GPR158: variants seen among roughly 807,000 people sequenced by gnomAD.
GPR158 encodes metabotropic glycine receptor.
A neutral mutation model predicts 78.2 loss-of-function variants in GPR158; 30 were observed. That is an observed-to-expected ratio of 0.38 (90% CI 0.29 to 0.52). The LOEUF (loss-of-function observed/expected upper bound fraction) is 0.52. Ranked by LOEUF, GPR158 falls within the 20% of genes least tolerant of loss-of-function variation. The pLI, the probability that GPR158 is intolerant of heterozygous loss-of-function variation, is 0.83. For synonymous variants in GPR158, 581 were observed against 591.1 expected, an observed-to-expected ratio of 0.98 and a Z score of 0.25; for missense variants, 1,463 against 1,523.5, an observed-to-expected ratio of 0.96 and a Z score of 0.66.
intron 5 of GPR158, among the ~76,000 whole-genome samples, chr10:25,502,525 A>G (rs1464918916): frequency 6.6e-6 from 1 of 152,182 alleles, no homozygotes; most frequent in African/African-American, 2.4e-5. Context: ...CCAAACACTG[A>G]AAATAATCTG....
intron 5 of GPR158, among the ~76,000 whole-genome samples, chr10:25,532,585 A>G (rs1448201078): frequency 6.6e-6 from 1 of 152,142 alleles, no homozygotes; most frequent in East Asian, 1.9e-4. Context: ...TAGATATTAC[A>G]TATGATACTT....
At chr10:25,333,256 G>GC (rs1855153530) in intron 2 of GPR158, among the ~76,000 whole-genome samples, 1 of 152,182 alleles carries the variant, frequency 6.6e-6, no homozygotes, top group South Asian at 2.1e-4. Flanking sequence ...CTGCAGGCAA[G>GC]CAGGAGCACA....
At chr10:25,487,738 A>G (rs113123155) in intron 5 of GPR158, among the ~76,000 whole-genome samples, 139 of 152,244 alleles carry the variant, frequency 9.1e-4, no homozygotes, top group African/African-American at 3.1e-3. Flanking sequence ...CTTTCAGTAT[A>G]TTGTTTGATT....
At chr10:25,558,031 A>G (rs571314883) in intron 6 of GPR158, among the ~76,000 whole-genome samples, 2 of 152,298 alleles carry the variant, frequency 1.3e-5, no homozygotes, top group African/African-American at 4.8e-5. Flanking sequence ...AAGCTTTTCA[A>G]TCTGGAGCTT....
chr10:25,578,258 A>G (rs987967149), intron 7 of GPR158, among the ~76,000 whole-genome samples: 6 of 152,316 alleles, frequency 3.9e-5, no homozygotes, highest in East Asian at 1.9e-4. Context: ...AACATGGCCT[A>G]CGTTGTTCAG....
Position 25,490,040 on chromosome 10 carries a change from T to G in GPR158, c.1404+23321T>G, listed in dbSNP as rs1163599017. Among the ~76,000 whole-genome samples the G allele has an allele frequency of 2.0e-5, 3 of 152,044 alleles. No homozygotes were observed. In the South Asian group the frequency reaches 6.2e-4, roughly 31 times the overall value. On this transcript the variant is annotated intron_variant, in intron 5 of 10. Transcript: ENST00000376351. ...AAATGCATATATACTAGCTAAAATATATCAGAAGAAAATTTACAGAAGAGG... is the reference window on the plus strand; with the variant it reads ...AAATGCATATATACTAGCTAAAATAGATCAGAAGAAAATTTACAGAAGAGG...
At position 25,371,330 on chromosome 10, in the gene GPR158, C is replaced by T. The variant is rs548222678; in HGVS notation, c.1009-24581C>T. Among the ~76,000 whole-genome samples, 174 of 151,688 alleles carry T rather than the reference C, an allele frequency of 1.1e-3. 1 individual carries two copies. The highest frequency in any genetic ancestry group is 2.2e-3 in the Non-Finnish European group (152 of 67,850). ...ACCAGTTGTTCCTTTCCATGTTTAG[C>T]GCTTCCTTCAGGAGGTCTTTTAGGG... On this transcript the variant is annotated intron_variant, in intron 2 of 10. Transcript: ENST00000376351.
intron 1 of GPR158, among the ~76,000 whole-genome samples, chr10:25,216,076 TTAACCATCAC>T (rs1378075575): frequency 1.3e-5 from 2 of 152,198 alleles, no homozygotes; most frequent in Non-Finnish European, 2.9e-5. Context: ...TCCCCTTTCA[TTAACCATCAC>T]TGAGGCCCTT....
chr10:25,175,209 G>C lies in GPR158; in HGVS notation c.-212G>C, dbSNP rs1005048867. The C allele has an allele frequency of 2.6e-5, 13 of 497,228 alleles. No individual in the cohort carries two copies. The highest frequency in any genetic ancestry group is 4.2e-5 in the Non-Finnish European group (12 of 283,614). The allele number at this position is 497,228 out of a possible 1,614,324, so 30.8% of individuals were successfully genotyped here. On this transcript the variant is annotated 5_prime_UTR_variant, in exon 1 of 11. Coordinates refer to ENST00000376351, the MANE Select transcript of GPR158 (RefSeq NM_020752.3). The surrounding 1 kb of genome is among the most constrained non-coding windows in gnomAD (Gnocchi z 6.4). ...GCCCCTCGCGCAGCGGGCACGGCCA[G>C]CGCTGCCACAGGTGACTTGATTTCT... is the stretch of plus-strand genomic sequence containing the variant.
chr10:25,282,100 A>G (rs1216298058), intron 2 of GPR158, among the ~76,000 whole-genome samples: 3 of 152,124 alleles, frequency 2.0e-5, no homozygotes, highest in Admixed American at 6.5e-5. Context: ...TCATTCCCCA[A>G]ACTTCTTTGT....
intron 2 of GPR158, among the ~76,000 whole-genome samples, chr10:25,305,728 G>C (rs1182957937): frequency 1.3e-5 from 2 of 152,116 alleles, no homozygotes; most frequent in Admixed American, 6.6e-5. Flanking sequence ...TTAAGAGGCA[G>C]AAAAAACAGC....
At chr10:25,250,113 G>C (rs1172423546) in intron 2 of GPR158, among the ~76,000 whole-genome samples, 1 of 119,626 alleles carries the variant, frequency 8.4e-6, no homozygotes, top group Non-Finnish European at 1.7e-5. Context: ...GGTGTTTGTA[G>C]TATTCTCTGA....
chr10:25,263,689 C>A (rs1447158272), intron 2 of GPR158, among the ~76,000 whole-genome samples: 1 of 152,094 alleles, frequency 6.6e-6, no homozygotes, highest in East Asian at 1.9e-4. Flanking sequence ...GTAATCCCAG[C>A]ACTTTGGGAG....
chr10:25,416,456 A>G (rs1291055026), intron 4 of GPR158, among the ~76,000 whole-genome samples: 1 of 152,146 alleles, frequency 6.6e-6, no homozygotes, highest in African/African-American at 2.4e-5. Context: ...CTACTTATTG[A>G]TATTACTGGC....
At chr10:25,584,499 C>T (rs1257258420) in intron 7 of GPR158, among the ~76,000 whole-genome samples, 1 of 152,132 alleles carries the variant, frequency 6.6e-6, no homozygotes, top group East Asian at 1.9e-4. Flanking sequence ...AAATATAATT[C>T]TCCATTGTAG....
At chr10:25,424,056 T>A (rs1467177203) in intron 4 of GPR158, among the ~76,000 whole-genome samples, 2 of 152,206 alleles carry the variant, frequency 1.3e-5, no homozygotes, top group Admixed American at 1.3e-4. Context: ...GTTTCCTGAC[T>A]TTTTGATGAT....
chr10:25,329,954 T>C (rs1855095131), intron 2 of GPR158, among the ~76,000 whole-genome samples: 1 of 152,242 alleles, frequency 6.6e-6, no homozygotes, highest in East Asian at 1.9e-4. Context: ...ACACTAGAAG[T>C]TGTTAGTAAA....
In GPR158 at chr10:25,288,910, T is replaced by C. The variant is rs186618355; in HGVS notation, c.1008+67753T>C. On this transcript the variant is annotated intron_variant, in intron 2 of 10. Coordinates refer to ENST00000376351, the MANE Select transcript of GPR158 (RefSeq NM_020752.3). ...AACTCTTCTCTTTTATTTAATACAA[T>C]GCCTGTGGAAATTTATATACCCCTT... 1.1e-3 allele frequency among the ~76,000 whole-genome samples: 168 copies of C among 152,350 alleles called. 2 individuals are homozygous for C. The highest frequency in any genetic ancestry group is 7.4e-5 in the Non-Finnish European group (5 of 68,018).
In GPR158 at chr10:25,395,937, C is replaced by T. The variant is rs767413538; in HGVS notation, c.1035C>T (p.Phe345=). ...SECMPIKGLG[F]VLGAYECICK... is the part of the protein sequence containing the mutation. ...GTATGCCAATTAAAGGCCTAGGATT[C>T]GTTCTTGGAGCCTATGAGTGCATTT... The change falls in exon 3 of 11, where the codon TTC becomes TTT. Residue 345 remains phenylalanine, a synonymous_variant. Transcript: ENST00000376351. The T allele has an allele frequency of 6.9e-6, 11 of 1,601,770 alleles. No individual in the cohort carries two copies. Among genetic ancestry groups the T allele is most frequent in the South Asian group, 1.1e-5 (1 of 90,832 alleles).
Sources: allele counts gnomAD v4.1 joint callset (sites outside exome capture counted in the v4.1 genomes callset), GRCh38; gene constraint gnomAD v4.1.1; non-coding constraint Gnocchi (gnomAD v3.1); transcripts MANE v1.5; gene names NCBI Gene and HGNC (gene_info 2026-07-23, HGNC 2026-07-21).